NBAS: variants seen among roughly 807,000 people sequenced by gnomAD.
The protein encoded by NBAS is NBAS subunit of NRZ tethering complex, also known as NAG/BC035112 fusion.
NBAS carries 219 observed loss-of-function variants against 302.5 expected under a neutral mutation model. The observed-to-expected ratio is 0.72, with a 90% CI of 0.65 to 0.81. The LOEUF (loss-of-function observed/expected upper bound fraction) is 0.81, where lower values mean the gene tolerates loss of function less well. Ranked by LOEUF, NBAS falls within the 30% of genes least tolerant of loss-of-function variation. NBAS has a pLI of 0.00. For synonymous variants in NBAS, 1,118 were observed against 1,021.6 expected, an observed-to-expected ratio of 1.09 and a Z score of -1.80; for missense variants, 2,932 against 2,841.6, an observed-to-expected ratio of 1.03 and a Z score of -0.72.
chr2:15,049,289 A>G, the NBAS span, among the ~76,000 whole-genome samples: 1 of 152,156 alleles, frequency 6.6e-6, no homozygotes, highest in African/African-American at 2.4e-5. Context: ...GCCACCTGCA[A>G]GGCCACCACT....
At position 15,503,312 on chromosome 2, in the gene NBAS, A is replaced by G. The variant is rs1320518228; in HGVS notation, c.954+833T>C. ...GTACAGTCAAGCCTTCCATATCCAC[A>G]GGTTCCACATCCTCTGATTCAACCA... On this transcript the variant is annotated intron_variant, in intron 11 of 51. Transcript: ENST00000281513. 2.0e-5 allele frequency among the ~76,000 whole-genome samples: 3 copies of G among 152,220 alleles called. No homozygotes were observed. The East Asian group carries it at 5.8e-4, about 29-fold the overall frequency.
Position 15,375,034 on chromosome 2 carries a change from T to C in NBAS, c.3591-314A>G, listed in dbSNP as rs149099420. Among the ~76,000 whole-genome samples, 45 of 152,334 alleles carry C rather than the reference T, an allele frequency of 3.0e-4. No homozygotes were observed. In the East Asian group the frequency reaches 7.3e-3, roughly 25 times the overall value. On this transcript the variant is annotated intron_variant, in intron 30 of 51. Transcript: ENST00000281513. ...TCTGTGTTCAGTGCCGTTTTTACTG[T>C]TGAATGCAAACATTATGATTCTATT...
the NBAS span, among the ~76,000 whole-genome samples, chr2:14,927,442 C>T: frequency 2.6e-4 from 39 of 152,256 alleles, no homozygotes; most frequent in Non-Finnish European, 4.1e-4. Flanking sequence ...GTATATAACA[C>T]ATTTTCTTTG....
intron 47 of NBAS, among the ~76,000 whole-genome samples, chr2:15,222,846 AG>A (rs2147898309): frequency 6.6e-6 from 1 of 152,366 alleles, no homozygotes; most frequent in East Asian, 1.9e-4. Flanking sequence ...GATGAGATAT[AG>A]AAGGATTATC....
intron 35 of NBAS, 115 bp from the exon 36 acceptor site, chr2:15,330,880 T>C: frequency 9.1e-7 from 1 of 1,098,686 alleles, no homozygotes; most frequent in East Asian, 2.6e-5. Flanking sequence ...GACAGACACA[T>C]TTAAAAATCC....
rs750577175 is a variant in NBAS at position 15,561,214 on chromosome 2, C to T, written c.91G>A (p.Glu31Lys). The T allele has an allele frequency of 3.1e-6, 5 of 1,613,908 alleles. No individual in the cohort carries two copies. The South Asian group carries it at 4.4e-5, about 14-fold the overall frequency. ...TILYDLLVNTEWPPETEVQPR... is the reference protein window; with the variant it reads ...TILYDLLVNTKWPPETEVQPR... ...TGTACTTCAGTCTCCGGTGGCCACTCGGTGTTGACCAACAAGTCATAGAGA... is the reference window on the plus strand; with the variant it reads ...TGTACTTCAGTCTCCGGTGGCCACTTGGTGTTGACCAACAAGTCATAGAGA... The change falls in exon 1 of 52, where the codon GAG (glutamate) becomes AAG (lysine). Residue 31 changes from glutamate to lysine, a missense_variant. Transcript: ENST00000281513.
chr2:14,902,258 A>G, the NBAS span, among the ~76,000 whole-genome samples: 36 of 152,142 alleles, frequency 2.4e-4, no homozygotes, highest in African/African-American at 8.4e-4. Context: ...CAGCCTCCCA[A>G]GTAGCTGGGA....
chr2:15,508,320 C>G (rs756358443), intron 10 of NBAS, among the ~76,000 whole-genome samples: 1 of 152,112 alleles, frequency 6.6e-6, no homozygotes, highest in Non-Finnish European at 1.5e-5. Context: ...TCCAATACTT[C>G]AGTAAGGTGC....
At chr2:15,553,706 A>C (rs1664489617) in intron 4 of NBAS, among the ~76,000 whole-genome samples, 16 of 136,942 alleles carry the variant, frequency 1.2e-4, no homozygotes, top group African/African-American at 2.7e-4. Context: ...CACTCTCCCC[A>C]TCTCTCTCCC....
At position 15,504,128 on chromosome 2, in the gene NBAS, A is replaced by G. The variant is rs763796329; in HGVS notation, c.954+17T>C. The G allele has an allele frequency of 6.2e-7, 1 of 1,606,430 alleles. No individual in the cohort carries two copies. Among genetic ancestry groups the G allele is most frequent in the Non-Finnish European group, 8.5e-7 (1 of 1,173,074 alleles). On this transcript the variant is annotated intron_variant, in intron 11 of 51. Coordinates refer to ENST00000281513, the MANE Select transcript of NBAS (RefSeq NM_015909.4). ...AATGTTTGAGAAGCCCACCATAGTTAAGCCAATTTGTGTTACCTGTTCTTG... is the reference window on the plus strand; with the variant it reads ...AATGTTTGAGAAGCCCACCATAGTTGAGCCAATTTGTGTTACCTGTTCTTG...
At chr2:15,050,785 G>T in the NBAS span, among the ~76,000 whole-genome samples, 1 of 152,088 alleles carries the variant, frequency 6.6e-6, no homozygotes, top group Non-Finnish European at 1.5e-5. Flanking sequence ...TAATCTGCAC[G>T]CTTGAGCAAG....
chr2:15,534,777 G>A (rs1043886429), intron 8 of NBAS, 136 bp from the exon 9 acceptor site: 26 of 721,082 alleles, frequency 3.6e-5, no homozygotes, highest in African/African-American at 1.9e-4. Flanking sequence ...ACCAGAACTC[G>A]AATACGTCAC....
the NBAS span, among the ~76,000 whole-genome samples, chr2:14,793,849 G>A: frequency 6.6e-6 from 1 of 152,028 alleles, no homozygotes; most frequent in Non-Finnish European, 1.5e-5. Context: ...TAATTCAAAT[G>A]GCATTGGATT....
At position 15,328,188 on chromosome 2, in the gene NBAS, G is replaced by A. The variant is rs185699926; in HGVS notation, c.4461+11C>T. 1.2e-4 allele frequency: 190 copies of A among 1,604,940 alleles called. 1 individual carries two copies. Among genetic ancestry groups the A allele is most frequent in the South Asian group, 1.2e-3 (107 of 90,836 alleles). On this transcript the variant is annotated intron_variant, in intron 37 of 51. Transcript: ENST00000281513. Reference sequence around the variant, plus strand: ...CAGTTAAATCTATCTTCCTAGACACGCTGTCCTTACCTCAGCGACAAAAGG... The same window carrying A: ...CAGTTAAATCTATCTTCCTAGACACACTGTCCTTACCTCAGCGACAAAAGG...
intron 35 of NBAS, among the ~76,000 whole-genome samples, chr2:15,338,526 A>G (rs1277158074): frequency 1.3e-5 from 2 of 152,138 alleles, no homozygotes; most frequent in East Asian, 3.8e-4. Flanking sequence ...GCTTCATCTC[A>G]TCTGCCAATT....
At chr2:15,146,739 T>A in the NBAS span, among the ~76,000 whole-genome samples, 4 of 152,140 alleles carry the variant, frequency 2.6e-5, no homozygotes, top group Non-Finnish European at 2.9e-5. Context: ...GGTATAGGTC[T>A]GGCCCCTATC....
At chr2:14,908,387 T>A in the NBAS span, among the ~76,000 whole-genome samples, 2 of 152,048 alleles carry the variant, frequency 1.3e-5, no homozygotes, top group Admixed American at 6.6e-5. Flanking sequence ...ATAAAAATAA[T>A]AAAGTATAGG....
chr2:14,811,734 C>T, the NBAS span, among the ~76,000 whole-genome samples: 4 of 151,932 alleles, frequency 2.6e-5, no homozygotes, highest in Non-Finnish European at 5.9e-5. Context: ...TTGCAGTAAC[C>T]CAGGAACCTA....
At chr2:15,370,242 C>A (rs1244497872) in intron 31 of NBAS, among the ~76,000 whole-genome samples, 1 of 152,164 alleles carries the variant, frequency 6.6e-6, no homozygotes, top group Non-Finnish European at 1.5e-5. Flanking sequence ...ACTTAACCTC[C>A]CTGGGCCTTG....
Sources: allele counts gnomAD v4.1 joint callset (sites outside exome capture counted in the v4.1 genomes callset), GRCh38; gene constraint gnomAD v4.1.1; transcripts MANE v1.5; gene names NCBI Gene and HGNC (gene_info 2026-07-23, HGNC 2026-07-21).